KLHL29: variants seen among roughly 807,000 people sequenced by gnomAD.
KLHL29 encodes kelch like family member 29.
Under a neutral mutation model 80.4 loss-of-function variants are expected in KLHL29, and 21 were observed. That is an observed-to-expected ratio of 0.26 (90% CI 0.19 to 0.38). The LOEUF (loss-of-function observed/expected upper bound fraction) is 0.38, where lower values mean the gene tolerates loss of function less well. Ranked by LOEUF, KLHL29 falls within the 10% of genes least tolerant of loss-of-function variation. KLHL29 has a pLI of 1.00. For missense variants in KLHL29, 867 were observed against 1,223.9 expected (o/e 0.71, Z 4.35); for synonymous variants, 511 against 526.8 (o/e 0.97, Z 0.41).
At chr2:23,451,506 C>T (rs947645969) in intron 1 of KLHL29, among the ~76,000 whole-genome samples, 1 of 152,184 alleles carries the variant, frequency 6.6e-6, no homozygotes, top group South Asian at 2.1e-4. Context: ...GCCTTGCAAG[C>T]TCTCACCCAA....
rs577653875 is a variant in KLHL29, at chr2:23,422,055, GTC to G, written c.-154+36279_-154+36280del. On this transcript the variant is annotated intron_variant, in intron 1 of 13. Coordinates refer to ENST00000486442, the MANE Select transcript of KLHL29 (RefSeq NM_052920.2). ...TCTGTGTGTGTTCATGTGTTTGTGT[GTC>G]TCTGTGTGTGTCAGTGTGTCTCCCT... Among the ~76,000 whole-genome samples the G allele has an allele frequency of 1.2e-3, 185 of 151,864 alleles. 1 individual carries two copies. Among genetic ancestry groups the G allele is most frequent in the African/African-American group, 4.4e-3 (181 of 41,390 alleles).
chr2:23,565,970 C>A (rs1395510207), intron 3 of KLHL29, among the ~76,000 whole-genome samples: 1 of 152,260 alleles, frequency 6.6e-6, no homozygotes, highest in Non-Finnish European at 1.5e-5. Flanking sequence ...CCCCACCCAG[C>A]CCTGTGGGCC....
intron 2 of KLHL29, chr2:23,524,317 G>A (rs1666218313): frequency 9.9e-6 from 2 of 201,034 alleles, no homozygotes; most frequent in South Asian, 1.7e-4. Flanking sequence ...CTGCTGGGCC[G>A]GCCTTGGCTC....
At chr2:23,586,348 A>G (rs1572418658) in intron 3 of KLHL29, among the ~76,000 whole-genome samples, 1 of 143,944 alleles carries the variant, frequency 6.9e-6, no homozygotes, top group Admixed American at 7.0e-5. Context: ...CATTCCTTCT[A>G]CCTAAAAGCA....
chr2:23,671,874 T>A (rs1670774509), intron 5 of KLHL29: 1 of 152,310 alleles, frequency 6.6e-6, no homozygotes, highest in Non-Finnish European at 1.5e-5. Context: ...AGGGGGACTG[T>A]CTCTGTGACG....
At chr2:23,658,545 C>T (rs934767640) in intron 5 of KLHL29, among the ~76,000 whole-genome samples, 4 of 152,172 alleles carry the variant, frequency 2.6e-5, no homozygotes, top group Admixed American at 2.0e-4. Context: ...CATGAGGCTC[C>T]GTTCTTCTGG....
At chr2:23,532,823 G>C (rs560951540) in intron 2 of KLHL29, among the ~76,000 whole-genome samples, 65 of 152,324 alleles carry the variant, frequency 4.3e-4, no homozygotes, top group African/African-American at 1.5e-3. Context: ...CGCGTTCAGG[G>C]TAAGGGGAGG....
intron 1 of KLHL29, among the ~76,000 whole-genome samples, chr2:23,431,754 CG>C (rs1209199415): frequency 1.3e-5 from 2 of 151,746 alleles, no homozygotes; most frequent in African/African-American, 4.8e-5. Flanking sequence ...ATTAGCTGGG[CG>C]TTGTGGCGGG....
intron 1 of KLHL29, among the ~76,000 whole-genome samples, chr2:23,464,861 A>G (rs1385697919): frequency 6.6e-6 from 1 of 152,186 alleles, no homozygotes; most frequent in African/African-American, 2.4e-5. Flanking sequence ...ACTCCATTCA[A>G]GTGAGACAAG....
chr2:23,434,732 C>T (rs1663289994), intron 1 of KLHL29, among the ~76,000 whole-genome samples: 2 of 152,156 alleles, frequency 1.3e-5, no homozygotes, highest in South Asian at 2.1e-4. Flanking sequence ...TGTAAATAGT[C>T]ATCCATAATG....
intron 3 of KLHL29, among the ~76,000 whole-genome samples, chr2:23,571,473 A>G (rs1558392556): frequency 6.6e-6 from 1 of 152,312 alleles, no homozygotes; most frequent in East Asian, 1.9e-4. Flanking sequence ...GGCTCAGAGA[A>G]AAGTGAACCC....
chr2:23,587,795 G>A (rs758281240), intron 3 of KLHL29, among the ~76,000 whole-genome samples: 18 of 152,150 alleles, frequency 1.2e-4, no homozygotes, highest in South Asian at 4.1e-4. Flanking sequence ...AAGCGGTTCC[G>A]TGTCTGGGGT....
Position 23,681,901 on chromosome 2 carries a change from C to A in KLHL29, c.941-2498C>A, listed in dbSNP as rs1209139012. ...AGCCTTATCCAGCCTGGCCCTGCAA[C>A]TGGCCCTGTGCTGTCTCCCCTCCGC... On this transcript the variant is annotated intron_variant, in intron 5 of 13. Coordinates refer to ENST00000486442, the MANE Select transcript of KLHL29 (RefSeq NM_052920.2). The surrounding 1 kb of genome is among the most constrained non-coding windows in gnomAD (Gnocchi z 4.2). 6.6e-6 allele frequency among the ~76,000 whole-genome samples: 1 copy of A among 152,214 alleles called. No homozygotes were observed. Among genetic ancestry groups the A allele is most frequent in the Non-Finnish European group, 1.5e-5 (1 of 68,028 alleles).
chr2:23,478,271 A>G (rs1032801908), intron 2 of KLHL29, among the ~76,000 whole-genome samples: 2 of 152,152 alleles, frequency 1.3e-5, no homozygotes, highest in African/African-American at 2.4e-5. Flanking sequence ...TGTCCGCAAC[A>G]TGCAGCCTGG....
At chr2:23,391,622 A>G (rs1666324635) in intron 1 of KLHL29, among the ~76,000 whole-genome samples, 1 of 151,960 alleles carries the variant, frequency 6.6e-6, no homozygotes, top group Non-Finnish European at 1.5e-5. Flanking sequence ...TTTAGTGGAG[A>G]TGGGGTTTCT....
At position 23,477,385 on chromosome 2, in the gene KLHL29, A is replaced by G. The variant is rs552638045; in HGVS notation, c.-46+1718A>G. 6.6e-5 allele frequency among the ~76,000 whole-genome samples: 10 copies of G among 152,372 alleles called. No individual in the cohort carries two copies. The South Asian group carries it at 2.1e-3, about 32-fold the overall frequency. On this transcript the variant is annotated intron_variant, in intron 2 of 13. Coordinates refer to ENST00000486442, the MANE Select transcript of KLHL29 (RefSeq NM_052920.2). Reference sequence around the variant, plus strand: ...CTGTCCCCTGCCAGAACCCTTGCACAGAGAGGAGAAAATATGGCTTTGGAA... The same window carrying G: ...CTGTCCCCTGCCAGAACCCTTGCACGGAGAGGAGAAAATATGGCTTTGGAA...
rs1666139979 is a variant in KLHL29 at position 23,385,232 on chromosome 2, GCCGCGCCAGCCC to G, written c.-694_-683del. ...AAGGGAGCATGGTCCCCGCGCCGCG[GCCGCGCCAGCCC>G]CCGCGCCGCCGCCGCCGTCCCCGCC... On this transcript the variant is annotated 5_prime_UTR_variant, in exon 1 of 14. Coordinates refer to ENST00000486442, the MANE Select transcript of KLHL29 (RefSeq NM_052920.2). 1 of 148,140 alleles carries G rather than the reference GCCGCGCCAGCCC, an allele frequency of 6.8e-6. No individual in the cohort carries two copies. 9.2% of individuals were successfully genotyped at this position (148,140 alleles called of 1,614,324 possible). A position where few individuals can be genotyped will look rare whatever the true frequency, so the allele number is the denominator to read the frequency against.
chr2:23,664,508 A>G (rs772908720), intron 5 of KLHL29, among the ~76,000 whole-genome samples: 1 of 152,178 alleles, frequency 6.6e-6, no homozygotes, highest in Non-Finnish European at 1.5e-5. Flanking sequence ...TCAACTCTAG[A>G]TCCTGGGTGA....
At chr2:23,455,026 G>C (rs931896790) in intron 1 of KLHL29, among the ~76,000 whole-genome samples, 3 of 150,554 alleles carry the variant, frequency 2.0e-5, no homozygotes. Context: ...TATTTCTCTC[G>C]CATCTGCAGC....
Sources: allele counts gnomAD v4.1 joint callset (sites outside exome capture counted in the v4.1 genomes callset), GRCh38; gene constraint gnomAD v4.1.1; non-coding constraint Gnocchi (gnomAD v3.1); transcripts MANE v1.5; gene names NCBI Gene and HGNC (gene_info 2026-07-23, HGNC 2026-07-21).